Variants in LIPC observed in about 807,000 individuals in gnomAD.
LIPC encodes hepatic triacylglycerol lipase.
A neutral mutation model predicts 50.7 loss-of-function variants in LIPC; 44 were observed. The observed-to-expected ratio is 0.87, with a 90% CI of 0.68 to 1.11. The LOEUF (loss-of-function observed/expected upper bound fraction) is 1.11, where lower values mean the gene tolerates loss of function less well. LIPC is among the 50% of genes most tolerant of loss of function. The pLI, the probability that LIPC is intolerant of heterozygous loss-of-function variation, is 0.00. For missense variants in LIPC, 697 were observed against 648.2 expected, an observed-to-expected ratio of 1.08 and a Z score of -0.82; for synonymous variants, 271 against 256.4, an observed-to-expected ratio of 1.06 and a Z score of -0.54.
chr15:58,491,586 A>G (rs545130592), intron 1 of LIPC, among the ~76,000 whole-genome samples: 1 of 152,310 alleles, frequency 6.6e-6, no homozygotes, highest in South Asian at 2.1e-4. Context: ...GGATTCCTAA[A>G]TGATATCTCT....
intron 1 of LIPC, among the ~76,000 whole-genome samples, chr15:58,443,260 C>T (rs1403560692): frequency 1.3e-5 from 2 of 152,128 alleles, no homozygotes; most frequent in South Asian, 2.1e-4. Flanking sequence ...TCTCAACTTC[C>T]GTGGGTCTGG....
intron 6 of LIPC, among the ~76,000 whole-genome samples, chr15:58,549,876 C>T (rs1263582533): frequency 6.6e-6 from 1 of 152,236 alleles, no homozygotes; most frequent in Non-Finnish European, 1.5e-5. Context: ...AGTCCTCCTG[C>T]TTCGGGGAGC....
intron 1 of LIPC, among the ~76,000 whole-genome samples, chr15:58,523,608 A>AT (rs59557225): frequency 0.93 from 139,402 of 149,950 alleles, 65,630 homozygotes; most frequent in East Asian, 1. Flanking sequence ...ACAAGCTGGG[A>AT]TTTTTTTTTT....
chr15:58,438,130 G>A (rs1182645308), intron 1 of LIPC, among the ~76,000 whole-genome samples: 1 of 152,134 alleles, frequency 6.6e-6, no homozygotes, highest in Non-Finnish European at 1.5e-5. Flanking sequence ...AAGAGAATCT[G>A]GTACCTGGCT....
chr15:58,502,592 G>T (rs1892023534), intron 1 of LIPC, among the ~76,000 whole-genome samples: 1 of 150,920 alleles, frequency 6.6e-6, no homozygotes, highest in African/African-American at 2.4e-5. Context: ...ATGTCAAAGT[G>T]GTTAACTCCA....
Position 58,550,442 on chromosome 15 carries a change from C to T in LIPC, c.1051+1870C>T, listed in dbSNP as rs1212540076. Among the ~76,000 whole-genome samples, 4 of 152,148 alleles carry T rather than the reference C, an allele frequency of 2.6e-5. No homozygotes were observed. In the South Asian group the frequency reaches 6.2e-4, roughly 24 times the overall value. ...AGGCTGAGCTTCTCCCATTTGCCAA[C>T]GGCCCCACTGCCCGACCACCATACA... On this transcript the variant is annotated intron_variant, in intron 6 of 8. Transcript: ENST00000299022.
chr15:58,433,516 A>G (rs918819401), intron 1 of LIPC, among the ~76,000 whole-genome samples: 2 of 151,880 alleles, frequency 1.3e-5, no homozygotes, highest in African/African-American at 4.9e-5. Context: ...AAAGTCAACC[A>G]TGCAGTTTCG....
intron 1 of LIPC, among the ~76,000 whole-genome samples, chr15:58,526,296 G>T (rs1190102222): frequency 6.6e-6 from 1 of 152,234 alleles, no homozygotes; most frequent in Admixed American, 6.5e-5. Flanking sequence ...AGTGGTGTAA[G>T]GGCAGAACCC....
intron 1 of LIPC, among the ~76,000 whole-genome samples, chr15:58,510,279 G>A (rs117078908): frequency 0.028 from 4,274 of 152,322 alleles, 86 homozygotes; most frequent in Middle Eastern, 0.082. Flanking sequence ...CTGTGGGCTA[G>A]GGCATGGTTG....
chr15:58,478,748 T>G (rs1891086659), intron 1 of LIPC, among the ~76,000 whole-genome samples: 1 of 152,230 alleles, frequency 6.6e-6, no homozygotes, highest in South Asian at 2.1e-4. Context: ...CACGCTTGTT[T>G]TGTAACATTT....
intron 6 of LIPC, among the ~76,000 whole-genome samples, chr15:58,555,342 T>TGTC (rs1375144172): frequency 1.3e-5 from 2 of 152,042 alleles, no homozygotes; most frequent in African/African-American, 4.8e-5. Flanking sequence ...CCAGGATGGA[T>TGTC]GTCAAGGGGT....
intron 1 of LIPC, among the ~76,000 whole-genome samples, chr15:58,488,198 G>C (rs1183733959): frequency 6.6e-6 from 1 of 152,234 alleles, no homozygotes. Context: ...TTGAATCCAA[G>C]AGGCGGAGGT....
At position 58,447,778 on chromosome 15, in the gene LIPC, C is replaced by A. The variant is rs144368482; in HGVS notation, c.88+15658C>A. 3.1e-3 allele frequency among the ~76,000 whole-genome samples: 469 copies of A among 152,330 alleles called. 7 individuals are homozygous for A. Among genetic ancestry groups the A allele is most frequent in the Admixed American group, 0.023 (358 of 15,306 alleles). On this transcript the variant is annotated intron_variant, in intron 1 of 8. Transcript: ENST00000299022. The stretch of plus-strand genomic sequence containing the variant: ...GTTGGTCTGGGTGACGCCAGTGCCA[C>A]TGGTCCCTGAACTACACTTTGAGAA...
At chr15:58,467,427 T>C (rs1466211457) in intron 1 of LIPC, among the ~76,000 whole-genome samples, 1 of 152,124 alleles carries the variant, frequency 6.6e-6, no homozygotes, top group South Asian at 2.1e-4. Context: ...CTTATTCTGG[T>C]CCCCTCATAG....
At chr15:58,511,206 C>T (rs78670291) in intron 1 of LIPC, among the ~76,000 whole-genome samples, 49 of 152,246 alleles carry the variant, frequency 3.2e-4, no homozygotes, top group African/African-American at 1.0e-3. Flanking sequence ...TTGTGTAATT[C>T]TGGCATGTTT....
chr15:58,484,609 A>AG (rs1304055552), intron 1 of LIPC, among the ~76,000 whole-genome samples: 9 of 152,256 alleles, frequency 5.9e-5, no homozygotes, highest in Non-Finnish European at 1.3e-4. Flanking sequence ...GGCACAGAGC[A>AG]GGGAAATAAC....
intron 6 of LIPC, among the ~76,000 whole-genome samples, chr15:58,549,388 T>C (rs1030588228): frequency 7.2e-5 from 11 of 152,228 alleles, no homozygotes; most frequent in Non-Finnish European, 1.3e-4. Flanking sequence ...GATATTTGTA[T>C]CTGGAGAATG....
At chr15:58,552,872 A>G (rs965628217) in intron 6 of LIPC, among the ~76,000 whole-genome samples, 4 of 152,198 alleles carry the variant, frequency 2.6e-5, no homozygotes, top group Non-Finnish European at 5.9e-5. Flanking sequence ...TGTGGGCACC[A>G]AGGAAGAGGT....
intron 1 of LIPC, among the ~76,000 whole-genome samples, chr15:58,438,340 G>C (rs897251677): frequency 6.6e-6 from 1 of 152,144 alleles, no homozygotes; most frequent in Admixed American, 6.5e-5. Context: ...GACAGCCACG[G>C]GCTCCACGTA....
Sources: allele counts gnomAD v4.1 joint callset (sites outside exome capture counted in the v4.1 genomes callset), GRCh38; gene constraint gnomAD v4.1.1; transcripts MANE v1.5; gene names NCBI Gene and HGNC (gene_info 2026-07-23, HGNC 2026-07-21).